The following USP54 variants were observed in gnomAD, a reference collection of about 807,000 sequenced individuals.
USP54 encodes the protein ubiquitin carboxyl-terminal hydrolase 54.
Under a neutral mutation model 170.5 loss-of-function variants are expected in USP54, and 87 were observed. That is an observed-to-expected ratio of 0.51 (90% CI 0.43 to 0.61). The LOEUF is 0.61. Ranked by LOEUF, USP54 falls within the 20% of genes least tolerant of loss-of-function variation. The probability of loss-of-function intolerance (pLI) is 0.00; values close to 1 mark genes in which losing one functional copy is unlikely to be tolerated. For synonymous variants in USP54, 655 were observed against 742.8 expected (o/e 0.88, Z 1.92); for missense variants, 1,786 against 2,047.8 (o/e 0.87, Z 2.47).
intron 4 of USP54, among the ~76,000 whole-genome samples, chr10:73,559,359 G>A (rs1314275882): frequency 2.0e-5 from 3 of 152,006 alleles, no homozygotes; most frequent in Admixed American, 6.6e-5. Context: ...TCGGGAGTTC[G>A]AGACTAGCCT....
Position 73,516,935 on chromosome 10 carries a change from G to A in USP54, c.3491C>T (p.Ser1164Phe), listed in dbSNP as rs140042044. 1.2e-3 allele frequency: 1,967 copies of A among 1,614,224 alleles called. 9 individuals are homozygous for A. Among genetic ancestry groups the A allele is most frequent in the Non-Finnish European group, 9.4e-4 (1,115 of 1,180,048 alleles). Residue 1164 changes from serine to phenylalanine, a missense_variant, in exon 20 of 24, where the codon TCC becomes TTC. This residue lies in a region of USP54 where 1,418 missense variants were observed against 1,569.0 expected (regional missense o/e 0.90). Coordinates refer to ENST00000687698, the MANE Select transcript of USP54 (RefSeq NM_001391956.1). ...SLSGSLRKNS[S>F]PSDSKPPFSQ... ...GAAAGGAGGCTTAGAATCAGAAGGG[G>A]AAGAGTTCTTCCTTAGACTACCTGA...
intron 1 of USP54, among the ~76,000 whole-genome samples, chr10:73,580,738 A>AT (rs1228684975): frequency 1.3e-5 from 2 of 151,764 alleles, no homozygotes; most frequent in African/African-American, 4.8e-5. Context: ...ACGCTCAGCT[A>AT]TTTTTTGTAT....
chr10:73,564,544 T>C lies in USP54; in HGVS notation c.240+6877A>G, dbSNP rs376192157. The stretch of plus-strand genomic sequence containing the variant: ...TTATCTTAATTATTAGTTTTATAAT[T>C]CTTGATATCTGGTAAAGTATGCTAG... On this transcript the variant is annotated intron_variant, in intron 4 of 23. Coordinates refer to ENST00000687698, the MANE Select transcript of USP54 (RefSeq NM_001391956.1). Among the ~76,000 whole-genome samples, 8 of 152,316 alleles carry C rather than the reference T, an allele frequency of 5.3e-5. No individual in the cohort carries two copies. In the East Asian group the frequency reaches 1.4e-3, roughly 26 times the overall value.
intron 20 of USP54, 31 bp from the exon 21 acceptor site, chr10:73,505,457 G>A (rs1471264491): frequency 3.8e-6 from 6 of 1,594,162 alleles, no homozygotes; most frequent in Non-Finnish European, 5.2e-6. Context: ...ACAAGTTGAG[G>A]CCATCTCTTC....
At chr10:73,615,680 C>T (rs991799056) in intron 1 of USP54, among the ~76,000 whole-genome samples, 3 of 147,428 alleles carry the variant, frequency 2.0e-5, no homozygotes, top group Admixed American at 6.7e-5. Context: ...CAGCACTCTG[C>T]GAAGCTGAGG....
chr10:73,600,147 G>A (rs933681847), intron 1 of USP54, among the ~76,000 whole-genome samples: 17 of 152,050 alleles, frequency 1.1e-4, no homozygotes, highest in African/African-American at 3.4e-4. Flanking sequence ...TGATCTGCCC[G>A]CCTTGGCCTC....
At chr10:73,582,298 A>G (rs1297437707) in intron 1 of USP54, among the ~76,000 whole-genome samples, 1 of 152,216 alleles carries the variant, frequency 6.6e-6, no homozygotes, top group Non-Finnish European at 1.5e-5. Context: ...AACTGAAATC[A>G]ATGAAGACTA....
intron 1 of USP54, among the ~76,000 whole-genome samples, chr10:73,583,265 G>A (rs1286985843): frequency 4.6e-5 from 7 of 152,094 alleles, no homozygotes; most frequent in Admixed American, 2.6e-4. Context: ...GCAAGATGGC[G>A]AAACCCTGTC....
At position 73,499,095 on chromosome 10, in the gene USP54, T is replaced by C. The variant is rs2057503440; in HGVS notation, c.4589A>G (p.Gln1530Arg). 1 of 1,614,154 alleles carries C rather than the reference T, an allele frequency of 6.2e-7. No individual in the cohort carries two copies. Among genetic ancestry groups the C allele is most frequent in the East Asian group, 2.2e-5 (1 of 44,880 alleles). The change falls in exon 24 of 24, where the codon CAG becomes CGG. Residue 1530 changes from glutamine to arginine, a missense_variant. By Grantham distance (43) the Gln-to-Arg change is conservative. Coordinates refer to ENST00000687698, the MANE Select transcript of USP54 (RefSeq NM_001391956.1). ...AKYTGRTLNY[Q>R]SLPHRSRTDN... ...TGTTCTGGAGCGATGGGGGAGGCTC[T>C]GGTAGTTCAAAGTCCTTCCTGTGTA...
Position 73,505,383 on chromosome 10 carries a change from A to C in USP54, c.4095T>G (p.Asp1365Glu), listed in dbSNP as rs1483322158. The change falls in exon 21 of 24, where the codon GAT becomes GAG. Residue 1365 changes from aspartate to glutamate, a missense_variant. Asp to Glu is a conservative substitution (Grantham distance 45, BLOSUM62 2). Coordinates refer to ENST00000687698, the MANE Select transcript of USP54 (RefSeq NM_001391956.1). ...GMGRRLHSAH[D>E]PGLSKTSTAE... The stretch of plus-strand genomic sequence containing the variant: ...CTGTTGAAGTCTTTGAGAGACCAGG[A>C]TCATGGGCTGAGTGCAACCTCCTCC... 6.2e-7 allele frequency: 1 copy of C among 1,614,152 alleles called. No individual in the cohort carries two copies.
chr10:73,594,243 G>T (rs1187804609), upstream of USP54, among the ~76,000 whole-genome samples: 8 of 151,932 alleles, frequency 5.3e-5, no homozygotes, highest in Admixed American at 4.6e-4. Context: ...GCTAGTTTTT[G>T]TATTTTTAGT....
chr10:73,518,460 T>G (rs1039631716), intron 19 of USP54, among the ~76,000 whole-genome samples: 2 of 152,156 alleles, frequency 1.3e-5, no homozygotes, highest in African/African-American at 4.8e-5. Context: ...TTACAAGGAC[T>G]TAAATAAAGC....
intron 1 of USP54, among the ~76,000 whole-genome samples, chr10:73,586,474 C>T (rs1453202179): frequency 6.6e-6 from 1 of 152,166 alleles, no homozygotes; most frequent in Non-Finnish European, 1.5e-5. Flanking sequence ...ACGTGGACTA[C>T]ATTTTGTCTT....
intron 4 of USP54, among the ~76,000 whole-genome samples, chr10:73,554,551 A>G (rs1456693392): frequency 1.3e-5 from 2 of 152,210 alleles, no homozygotes; most frequent in African/African-American, 4.8e-5. Context: ...GAGGGGAAAA[A>G]CATTTTACCC....
intron 1 of USP54, among the ~76,000 whole-genome samples, chr10:73,613,472 C>A (rs2080333215): frequency 6.6e-6 from 1 of 151,262 alleles, no homozygotes; most frequent in South Asian, 2.1e-4. Context: ...CCTGTCACCC[C>A]CACCAAAAAA....
intron 1 of USP54, among the ~76,000 whole-genome samples, chr10:73,585,186 A>C (rs116462545): frequency 0.011 from 1,654 of 152,326 alleles, 31 homozygotes; most frequent in African/African-American, 0.034. Flanking sequence ...GCACTACAGA[A>C]ACTTGAACAA....
At chr10:73,562,122 G>GA (rs2073209054) in intron 4 of USP54, among the ~76,000 whole-genome samples, 1 of 151,634 alleles carries the variant, frequency 6.6e-6, no homozygotes, top group Non-Finnish European at 1.5e-5. Flanking sequence ...GAGAGAGAGA[G>GA]AGAAAAAAAT....
intron 20 of USP54, among the ~76,000 whole-genome samples, chr10:73,510,144 G>A (rs2059963798): frequency 6.6e-6 from 1 of 152,060 alleles, no homozygotes; most frequent in African/African-American, 2.4e-5. Context: ...AGACCATCCT[G>A]GATAATATGG....
At chr10:73,505,563 T>C in intron 20 of USP54, 137 bp from the exon 21 acceptor site, 1 of 696,976 alleles carries the variant, frequency 1.4e-6, no homozygotes, top group South Asian at 1.9e-5. Flanking sequence ...CGGAGGAACA[T>C]GCTCCTGGAA....
Sources: allele counts gnomAD v4.1 joint callset (sites outside exome capture counted in the v4.1 genomes callset), GRCh38; gene constraint gnomAD v4.1.1; regional missense constraint gnomAD v4.1.1; transcripts MANE v1.5; gene names NCBI Gene and HGNC (gene_info 2026-07-23, HGNC 2026-07-21).